The following BLM variants were observed in gnomAD, a reference collection of about 807,000 sequenced individuals.
BLM encodes recQ-like DNA helicase BLM.
Under a neutral mutation model 135.3 loss-of-function variants are expected in BLM, and 95 were observed. That is an observed-to-expected ratio of 0.70 (90% CI 0.59 to 0.83). BLM has a LOEUF of 0.83. BLM is among the 40% of genes least tolerant of loss of function. The pLI is 0.00. For synonymous variants in BLM, 520 were observed against 589.2 expected (o/e 0.88, Z 1.70); for missense variants, 1,518 against 1,663.9 (o/e 0.91, Z 1.53).
intron 1 of BLM, among the ~76,000 whole-genome samples, chr15:90,724,525 G>A (rs1303316532): frequency 1.3e-5 from 2 of 152,060 alleles, no homozygotes; most frequent in Admixed American, 6.6e-5. Context: ...CCAGGTGTTA[G>A]TGCAGACCCC....
intron 1 of BLM, among the ~76,000 whole-genome samples, chr15:90,727,458 A>T (rs1277604366): frequency 6.6e-6 from 1 of 152,206 alleles, no homozygotes; most frequent in Non-Finnish European, 1.5e-5. Flanking sequence ...CCTGCTTGCA[A>T]AATTGGTCCC....
At chr15:90,791,602 A>G (rs899998526) in intron 15 of BLM, among the ~76,000 whole-genome samples, 3 of 151,670 alleles carry the variant, frequency 2.0e-5, no homozygotes, top group African/African-American at 4.8e-5. Flanking sequence ...ATCCCTCCCT[A>G]TACAAATATC....
At chr15:90,756,031 C>T (rs1326975786) in intron 5 of BLM, among the ~76,000 whole-genome samples, 5 of 151,758 alleles carry the variant, frequency 3.3e-5, no homozygotes, top group Admixed American at 2.6e-4. Flanking sequence ...ATGTGCTGGG[C>T]GCTCTTATAA....
chr15:90,734,350 T>A (rs1895145754), intron 1 of BLM, among the ~76,000 whole-genome samples: 1 of 151,758 alleles, frequency 6.6e-6, no homozygotes, highest in Admixed American at 6.6e-5. Context: ...TACAGTAGCA[T>A]GACCTCAGCT....
intron 1 of BLM, among the ~76,000 whole-genome samples, chr15:90,743,764 A>C (rs1417053288): frequency 6.6e-6 from 1 of 152,204 alleles, no homozygotes; most frequent in African/African-American, 2.4e-5. Context: ...AGACACCCTT[A>C]TGGTTCTTAG....
chr15:90,746,044 C>G (rs1567033485), intron 1 of BLM, among the ~76,000 whole-genome samples: 1 of 152,144 alleles, frequency 6.6e-6, no homozygotes, highest in Non-Finnish European at 1.5e-5. Context: ...AGCCAGTGTA[C>G]TCCAGCCTGG....
chr15:90,747,635 T>G (rs1471478820), intron 2 of BLM, 145 bp downstream of exon 2: 1 of 665,850 alleles, frequency 1.5e-6, no homozygotes, highest in African/African-American at 1.8e-5. Flanking sequence ...TGCCAATTAA[T>G]GGTAGAGTAT....
intron 1 of BLM, among the ~76,000 whole-genome samples, chr15:90,740,770 C>T (rs1375989646): frequency 2.0e-5 from 3 of 152,192 alleles, no homozygotes; most frequent in African/African-American, 4.8e-5. Context: ...ATAAGTCTCA[C>T]GAGAGCTGAT....
chr15:90,783,518 CAG>C (rs1234850092), intron 13 of BLM, among the ~76,000 whole-genome samples: 1 of 152,198 alleles, frequency 6.6e-6, no homozygotes, highest in Non-Finnish European at 1.5e-5. Context: ...GGCTCAGTCA[CAG>C]AGAGATGACT....
chr15:90,803,776 T>C (rs1270724577), intron 18 of BLM, 56 bp downstream of exon 18: 49 of 1,531,644 alleles, frequency 3.2e-5, no homozygotes, highest in Non-Finnish European at 4.3e-5. Context: ...CCAAAATATA[T>C]TATTGTGAAG....
At chr15:90,787,833 C>A (rs1709368686) in intron 14 of BLM, among the ~76,000 whole-genome samples, 1 of 151,948 alleles carries the variant, frequency 6.6e-6, no homozygotes, top group Non-Finnish European at 1.5e-5. Flanking sequence ...ATCTGTAGTC[C>A]CAGCTACTCA....
At position 90,809,259 on chromosome 15, in the gene BLM, G is replaced by A. The variant is rs757641454; in HGVS notation, c.3874G>A (p.Ala1292Thr). 9.3e-6 allele frequency: 15 copies of A among 1,614,090 alleles called. No homozygotes were observed. The East Asian group carries it at 3.3e-4, about 36-fold the overall frequency. ...LQKYSEWTSP[A>T]EDSSPGISLS... ...GAAATACTCTGAATGGACATCGCCA[G>A]GTTAGTACACAGCCATGTGTGTTCT... The change falls in exon 20 of 22, where the codon GCT becomes ACT. Residue 1292 changes from alanine to threonine, a missense_variant and splice_region_variant. By Grantham distance (58) the Ala-to-Thr change is moderately conservative. This residue lies in a region of BLM where 153 missense variants were observed against 173.4 expected (regional missense o/e 0.88). Transcript: ENST00000355112.
chr15:90,762,897 G>A lies in BLM; in HGVS notation c.1883-69G>A, dbSNP rs553255018. ...TGTGCCAGTGATTCTGCAGGGCAAGGGAAATGCTAAAGCTGTACTTTCACT... is the reference window on the plus strand; with the variant it reads ...TGTGCCAGTGATTCTGCAGGGCAAGAGAAATGCTAAAGCTGTACTTTCACT... On this transcript the variant is annotated intron_variant, in intron 7 of 21. Coordinates refer to ENST00000355112, the MANE Select transcript of BLM (RefSeq NM_000057.4). The A allele has an allele frequency of 2.5e-4, 349 of 1,416,256 alleles. 1 individual carries two copies. The East Asian group carries it at 8.0e-3, about 33-fold the overall frequency. 87.7% of individuals were successfully genotyped at this position (1,416,256 alleles called of 1,614,324 possible).
Position 90,749,932 on chromosome 15 carries a change from G to A in BLM, c.664G>A (p.Glu222Lys), listed in dbSNP as rs774075577. 1.7e-5 allele frequency: 27 copies of A among 1,613,988 alleles called. 2 individuals carry two copies. In the South Asian group the frequency reaches 2.2e-4, roughly 13 times the overall value. Residue 222 changes from glutamate (E) to lysine (K), a missense_variant, in exon 3 of 22, where the codon GAG becomes AAG. By Grantham distance (56) the Glu-to-Lys change is moderately conservative. This residue lies in a region of BLM where 724 missense variants were observed against 756.9 expected (regional missense o/e 0.96). Coordinates refer to ENST00000355112, the MANE Select transcript of BLM (RefSeq NM_000057.4). ...SSESEQIDLT[E>K]EQKDDSEWLS... ...TGAAAGCGAGCAAATAGATTTGACT[G>A]AGGAACAGAAGGATGACTCAGAATG...
In BLM at chr15:90,781,349, G is replaced by T. The variant is rs372716450; in HGVS notation, c.2556-1473G>T. ...CACATAAAATACACTAACTGGCCGG[G>T]TATGGTGGCTCACACCTGTAATCCC... On this transcript the variant is annotated intron_variant, in intron 12 of 21. Coordinates refer to ENST00000355112, the MANE Select transcript of BLM (RefSeq NM_000057.4). Among the ~76,000 whole-genome samples the T allele has an allele frequency of 1.1e-4, 16 of 152,342 alleles. No homozygotes were observed. The East Asian group carries it at 1.7e-3, about 17-fold the overall frequency.
In BLM at chr15:90,749,443, G is replaced by A. The variant is rs2151146790; in HGVS notation, c.175G>A (p.Val59Ile). Residue 59 changes from valine to isoleucine, a missense_variant, in exon 3 of 22, where the codon GTA (valine) becomes ATA (isoleucine). By Grantham distance (29) the Val-to-Ile change is conservative. Around this residue, in one of 5 missense-constraint regions of BLM, gnomAD observed 724 missense variants for 756.9 expected, o/e 0.96. Transcript: ENST00000355112. ...VTNVSVAKTP[V>I]LRNKDVNVTE... The stretch of plus-strand genomic sequence containing the variant: ...TAATGTGTCAGTAGCAAAAACACCT[G>A]TATTAAGAAATAAAGATGTTAATGT... 2 of 1,611,878 alleles carry A rather than the reference G, an allele frequency of 1.2e-6. No homozygotes were observed. The highest frequency in any genetic ancestry group is 1.7e-6 in the Non-Finnish European group (2 of 1,177,970).
Position 90,766,970 on chromosome 15 carries a change from C to A in BLM, c.2254C>A (p.Gln752Lys), listed in dbSNP as rs1424485988. 6.2e-7 allele frequency: 1 copy of A among 1,605,280 alleles called. No homozygotes were observed. Among genetic ancestry groups the A allele is most frequent in the African/African-American group, 1.3e-5 (1 of 74,762 alleles). ...TDSEATNIYLQLSKKDPIIKL... is the reference protein window; with the variant it reads ...TDSEATNIYLKLSKKDPIIKL... ...CTCAGAAGCTACAAATATTTACCTC[C>A]AGTTATCAAAAAAAGACCCAATCAT... Residue 752 changes from glutamine to lysine, a missense_variant, in exon 10 of 22, where the codon CAG (glutamine) becomes AAG (lysine). Coordinates refer to ENST00000355112, the MANE Select transcript of BLM (RefSeq NM_000057.4).
chr15:90,739,661 A>G (rs1481365209), intron 1 of BLM, among the ~76,000 whole-genome samples: 1 of 152,230 alleles, frequency 6.6e-6, no homozygotes, highest in African/African-American at 2.4e-5. Flanking sequence ...TATGATTCCC[A>G]TACTGTATGA....
intron 12 of BLM, among the ~76,000 whole-genome samples, chr15:90,770,142 G>C (rs1476733889): frequency 6.7e-6 from 1 of 148,520 alleles, no homozygotes; most frequent in Non-Finnish European, 1.5e-5. Context: ...TAATTCTTCA[G>C]TAACAAAATC....
Sources: gnomAD v4.1 joint callset for allele counts (sites outside exome capture counted in the v4.1 genomes callset) on GRCh38, gnomAD v4.1.1 for gene constraint, gnomAD v4.1.1 regional missense constraint, MANE v1.5 for transcripts, NCBI Gene and HGNC (gene_info 2026-07-23, HGNC 2026-07-21) for gene names.